TENM3: variants seen among roughly 807,000 people sequenced by gnomAD.
The protein encoded by TENM3 is teneurin transmembrane protein 3, also known as teneurin-3.
Under a neutral mutation model 255.1 loss-of-function variants are expected in TENM3, and 63 were observed. The observed-to-expected ratio is 0.25, with a 90% CI of 0.20 to 0.30. TENM3 has a LOEUF of 0.30. TENM3 is among the 10% of genes least tolerant of loss of function. The pLI, the probability that TENM3 is intolerant of heterozygous loss-of-function variation, is 1.00. For synonymous variants in TENM3, 1,306 were observed against 1,322.3 expected, an observed-to-expected ratio of 0.99 and a Z score of 0.27; for missense variants, 2,929 against 3,461.1, an observed-to-expected ratio of 0.85 and a Z score of 3.86.
At chr4:181,859,814 A>T in the TENM3 span, among the ~76,000 whole-genome samples, 1 of 152,190 alleles carries the variant, frequency 6.6e-6, no homozygotes, top group Non-Finnish European at 1.5e-5. Flanking sequence ...TGATATCTGA[A>T]TAACTTAACT....
chr4:181,730,204 C>A, the TENM3 span, among the ~76,000 whole-genome samples: 2,828 of 152,252 alleles, frequency 0.019, 46 homozygotes, highest in Middle Eastern at 0.12. Context: ...CCCATGTGCA[C>A]TTTGGGGCAG....
At chr4:181,991,964 A>G in the TENM3 span, among the ~76,000 whole-genome samples, 3 of 152,168 alleles carry the variant, frequency 2.0e-5, no homozygotes, top group African/African-American at 7.2e-5. Context: ...GAGCAAAGAT[A>G]TTTTACCAAA....
intron 3 of TENM3, among the ~76,000 whole-genome samples, chr4:182,413,854 C>T (rs1770183245): frequency 6.6e-6 from 1 of 152,098 alleles, no homozygotes; most frequent in African/African-American, 2.4e-5. Context: ...AGATCCAAGA[C>T]AGTTCCTATC....
At chr4:182,576,206 T>TCC (rs1335209012) in intron 3 of TENM3, among the ~76,000 whole-genome samples, 4 of 152,228 alleles carry the variant, frequency 2.6e-5, no homozygotes, top group Non-Finnish European at 2.9e-5. Context: ...AGTTTCTTCC[T>TCC]CCTAGTATGT....
At chr4:182,438,455 A>G (rs1338701098) in intron 3 of TENM3, among the ~76,000 whole-genome samples, 1 of 152,228 alleles carries the variant, frequency 6.6e-6, no homozygotes, top group Non-Finnish European at 1.5e-5. Context: ...AAGCTTTTTT[A>G]TGGCATAGAT....
At chr4:181,528,932 T>C in the TENM3 span, among the ~76,000 whole-genome samples, 1 of 152,224 alleles carries the variant, frequency 6.6e-6, no homozygotes, top group Non-Finnish European at 1.5e-5. Context: ...TGCAGGCATA[T>C]ATATAGTTGA....
At chr4:182,279,162 G>C (rs758735529) in intron 1 of TENM3, among the ~76,000 whole-genome samples, 2 of 152,160 alleles carry the variant, frequency 1.3e-5, no homozygotes, top group Non-Finnish European at 2.9e-5. Flanking sequence ...TGAGTGATCC[G>C]CAGTGTCTTT....
the TENM3 span, among the ~76,000 whole-genome samples, chr4:181,864,173 A>G: frequency 1.3e-5 from 2 of 152,216 alleles, no homozygotes; most frequent in Admixed American, 1.3e-4. Flanking sequence ...AGCAAATACT[A>G]GTGAGTATCC....
the TENM3 span, among the ~76,000 whole-genome samples, chr4:181,844,672 A>C: frequency 5.3e-5 from 8 of 151,718 alleles, no homozygotes; most frequent in Non-Finnish European, 1.2e-4. Context: ...CGTCTCAAAA[A>C]AATAAAATAA....
intron 3 of TENM3, among the ~76,000 whole-genome samples, chr4:182,485,416 T>G (rs180701550): frequency 6.6e-6 from 1 of 152,292 alleles, no homozygotes; most frequent in African/African-American, 2.4e-5. Context: ...CAATTTATCA[T>G]CCTCATCCAG....
intron 22 of TENM3, among the ~76,000 whole-genome samples, chr4:182,756,864 G>T (rs530312020): frequency 6.6e-6 from 1 of 152,054 alleles, no homozygotes; most frequent in East Asian, 1.9e-4. Context: ...TTTTAGTATC[G>T]CAATAGGAAA....
chr4:182,749,221 C>G (rs976614783), intron 19 of TENM3, among the ~76,000 whole-genome samples: 22 of 152,110 alleles, frequency 1.4e-4, no homozygotes, highest in African/African-American at 5.1e-4. Flanking sequence ...CATCATTACT[C>G]TCTAAACAAT....
intron 24 of TENM3, among the ~76,000 whole-genome samples, chr4:182,778,459 A>T (rs1419191266): frequency 1.3e-5 from 2 of 152,156 alleles, no homozygotes; most frequent in Non-Finnish European, 2.9e-5. Context: ...CTGCTGATGG[A>T]GCAGGCACAC....
intron 3 of TENM3, among the ~76,000 whole-genome samples, chr4:182,597,793 C>T (rs568927807): frequency 6.6e-6 from 1 of 152,324 alleles, no homozygotes; most frequent in South Asian, 2.1e-4. Flanking sequence ...CCAGCCACTT[C>T]TCATGTTTTG....
At chr4:182,570,768 T>G (rs1744275997) in intron 3 of TENM3, among the ~76,000 whole-genome samples, 1 of 151,890 alleles carries the variant, frequency 6.6e-6, no homozygotes, top group African/African-American at 2.4e-5. Flanking sequence ...AGGCGGAGCT[T>G]GCAGTGAGTG....
the TENM3 span, among the ~76,000 whole-genome samples, chr4:181,851,502 G>C: frequency 6.6e-6 from 1 of 152,304 alleles, no homozygotes; most frequent in East Asian, 1.9e-4. Flanking sequence ...TCTCCCATCT[G>C]TAGGGTAGAT....
At chr4:182,071,759 T>G in the TENM3 span, among the ~76,000 whole-genome samples, 2 of 152,218 alleles carry the variant, frequency 1.3e-5, no homozygotes, top group Admixed American at 1.3e-4. Context: ...TATTTTGAAA[T>G]GTACAATAGA....
the TENM3 span, among the ~76,000 whole-genome samples, chr4:182,125,859 G>C: frequency 6.7e-6 from 1 of 150,030 alleles, no homozygotes; most frequent in Non-Finnish European, 1.5e-5. Context: ...TGATAATATA[G>C]AGCATAAAAT....
chr4:181,605,535 AAAG>A, the TENM3 span, among the ~76,000 whole-genome samples: 1 of 24,510 alleles, frequency 4.1e-5, no homozygotes, highest in African/African-American at 8.8e-5. Context: ...AGAAAGAAAG[AAAG>A]AAAGAAAGAA....
Sources: gnomAD v4.1 joint callset for allele counts (sites outside exome capture counted in the v4.1 genomes callset) on GRCh38, gnomAD v4.1.1 for gene constraint, MANE v1.5 for transcripts, NCBI Gene and HGNC (gene_info 2026-07-23, HGNC 2026-07-21) for gene names.